Variants in MSI2 observed in about 807,000 individuals in gnomAD.
MSI2 encodes RNA-binding protein Musashi homolog 2.
In MSI2, 17 loss-of-function variants were observed where a neutral mutation model predicts 45.6. The ratio of observed to expected loss-of-function variants is 0.37; its 90% CI spans 0.26 to 0.56. MSI2 has a LOEUF of 0.56. MSI2 is among the 20% of genes least tolerant of loss of function. The probability of loss-of-function intolerance (pLI) is 0.77; values close to 1 mark genes in which losing one functional copy is unlikely to be tolerated. For missense variants in MSI2, 293 were observed against 444.2 expected (o/e 0.66, Z 3.06); for synonymous variants, 156 against 158.2 (o/e 0.99, Z 0.11).
chr17:57,422,103 A>T (rs2143300434), intron 6 of MSI2, among the ~76,000 whole-genome samples: 1 of 152,336 alleles, frequency 6.6e-6, no homozygotes, highest in East Asian at 1.9e-4. Context: ...CAGGTATTTT[A>T]AATAATAACT....
intron 6 of MSI2, among the ~76,000 whole-genome samples, chr17:57,446,692 G>A (rs2084906404): frequency 6.6e-6 from 1 of 152,196 alleles, no homozygotes; most frequent in South Asian, 2.1e-4. Context: ...CATGCTGTAG[G>A]AACATCATTG....
intron 7 of MSI2, among the ~76,000 whole-genome samples, chr17:57,555,879 G>T (rs186000790): frequency 7.9e-4 from 120 of 152,262 alleles, no homozygotes; most frequent in Non-Finnish European, 1.6e-3. Flanking sequence ...GCCCCACCTG[G>T]CATCCTCCTC....
At chr17:57,607,238 G>A (rs751940948) in intron 8 of MSI2, among the ~76,000 whole-genome samples, 8 of 152,182 alleles carry the variant, frequency 5.3e-5, no homozygotes, top group South Asian at 4.1e-4. Flanking sequence ...TAAACAGTGC[G>A]TGCCTTCCTC....
At chr17:57,651,422 A>G (rs993432854) in intron 10 of MSI2, among the ~76,000 whole-genome samples, 1 of 151,506 alleles carries the variant, frequency 6.6e-6, no homozygotes, top group Non-Finnish European at 1.5e-5. Flanking sequence ...CACAGGGCTC[A>G]CCCCACATAG....
intron 7 of MSI2, among the ~76,000 whole-genome samples, chr17:57,548,081 C>T (rs955896982): frequency 1.4e-4 from 21 of 152,160 alleles, no homozygotes; most frequent in African/African-American, 4.8e-4. Context: ...TAGATGTGGA[C>T]GCTCTTTAGT....
intron 4 of MSI2, among the ~76,000 whole-genome samples, chr17:57,258,616 C>G (rs2143151894): frequency 1.3e-5 from 2 of 152,272 alleles, no homozygotes; most frequent in Admixed American, 1.3e-4. Context: ...AGTCTGCCTT[C>G]CCGGCCTGGG....
At chr17:57,323,824 G>T (rs948665962) in intron 5 of MSI2, among the ~76,000 whole-genome samples, 3 of 152,184 alleles carry the variant, frequency 2.0e-5, no homozygotes, top group Admixed American at 2.0e-4. Flanking sequence ...GGACATCTAG[G>T]TCTTAATTTC....
At chr17:57,599,052 C>T (rs921660927) in intron 8 of MSI2, among the ~76,000 whole-genome samples, 2 of 152,224 alleles carry the variant, frequency 1.3e-5, no homozygotes, top group African/African-American at 2.4e-5. Flanking sequence ...AGCCAGAGCA[C>T]GCCATTGACA....
In MSI2 at chr17:57,407,247, C is replaced by T. The variant is rs992952377; in HGVS notation, c.405+5776C>T. Among the ~76,000 whole-genome samples the T allele has an allele frequency of 9.9e-5, 15 of 152,102 alleles. No individual in the cohort carries two copies. Among genetic ancestry groups the T allele is most frequent in the Non-Finnish European group, 2.1e-4 (14 of 68,020 alleles). On this transcript the variant is annotated intron_variant, in intron 6 of 13. Transcript: ENST00000284073. The surrounding 1 kb of genome is among the most constrained non-coding windows in gnomAD (Gnocchi z 4.1). ...TGTGGGTGAGTGAGGCCCGAGGAAGCGCTGGGTGCCTGCGATCTCCCAGCT... is the reference window on the plus strand; with the variant it reads ...TGTGGGTGAGTGAGGCCCGAGGAAGTGCTGGGTGCCTGCGATCTCCCAGCT...
At chr17:57,575,149 C>CA (rs1416198217) in intron 7 of MSI2, among the ~76,000 whole-genome samples, 1 of 127,586 alleles carries the variant, frequency 7.8e-6, no homozygotes, top group Non-Finnish European at 1.6e-5. Flanking sequence ...TTTTTAACTC[C>CA]CTCCCCCCGC....
intron 6 of MSI2, among the ~76,000 whole-genome samples, chr17:57,451,959 G>A (rs1021859789): frequency 6.6e-6 from 1 of 152,172 alleles, no homozygotes; most frequent in Non-Finnish European, 1.5e-5. Context: ...CAGGGCGTGA[G>A]GAAGTTGTGC....
intron 7 of MSI2, among the ~76,000 whole-genome samples, chr17:57,562,780 G>A (rs1003963512): frequency 6.6e-6 from 1 of 151,844 alleles, no homozygotes; most frequent in Non-Finnish European, 1.5e-5. Context: ...AATTGCACAC[G>A]GACTATTTTT....
intron 5 of MSI2, among the ~76,000 whole-genome samples, chr17:57,370,767 G>A (rs142837282): frequency 4.2e-4 from 64 of 152,268 alleles, no homozygotes; most frequent in Middle Eastern, 3.4e-3. Context: ...CCAGAGACTT[G>A]CGCTACAACA....
chr17:57,477,821 T>G (rs938203465), intron 6 of MSI2, among the ~76,000 whole-genome samples: 1 of 152,176 alleles, frequency 6.6e-6, no homozygotes, highest in Non-Finnish European at 1.5e-5. Flanking sequence ...CTGTCCCTCC[T>G]GGGTGATTTC....
chr17:57,371,514 A>AG (rs1392189623), intron 5 of MSI2, among the ~76,000 whole-genome samples: 1 of 148,108 alleles, frequency 6.8e-6, no homozygotes, highest in African/African-American at 2.5e-5. Context: ...ATGGCAAAAA[A>AG]AAAAAAGGGC....
At chr17:57,396,783 G>C (rs2083898783) in intron 5 of MSI2, among the ~76,000 whole-genome samples, 1 of 152,144 alleles carries the variant, frequency 6.6e-6, no homozygotes, top group African/African-American at 2.4e-5. Context: ...ACTGCCCTTT[G>C]TGCACACAGG....
intron 6 of MSI2, among the ~76,000 whole-genome samples, chr17:57,473,082 G>A (rs187606389): frequency 1.3e-5 from 2 of 152,196 alleles, no homozygotes; most frequent in East Asian, 1.9e-4. Context: ...TAGTAGAGAC[G>A]GGGTTTCACC....
intron 5 of MSI2, among the ~76,000 whole-genome samples, chr17:57,303,233 A>G (rs971803778): frequency 6.6e-6 from 1 of 152,160 alleles, no homozygotes; most frequent in Non-Finnish European, 1.5e-5. Flanking sequence ...TAGACCTTTG[A>G]TGTTCTGGAA....
At chr17:57,561,654 G>A (rs546868104) in intron 7 of MSI2, among the ~76,000 whole-genome samples, 21 of 152,192 alleles carry the variant, frequency 1.4e-4, no homozygotes, top group Non-Finnish European at 2.5e-4. Flanking sequence ...CACAGGCAGG[G>A]GAGCTGTGAG....
Sources: allele counts gnomAD v4.1 joint callset (sites outside exome capture counted in the v4.1 genomes callset), GRCh38; gene constraint gnomAD v4.1.1; non-coding constraint Gnocchi (gnomAD v3.1); transcripts MANE v1.5; gene names NCBI Gene and HGNC (gene_info 2026-07-23, HGNC 2026-07-21).